Variants in SUSD4 observed in about 807,000 individuals in gnomAD.
The protein encoded by SUSD4 is sushi domain containing 4, also known as sushi domain-containing protein 4.
Under a neutral mutation model 50.5 loss-of-function variants are expected in SUSD4, and 41 were observed. The observed-to-expected ratio is 0.81, with a 90% CI of 0.63 to 1.05. The LOEUF (loss-of-function observed/expected upper bound fraction) is 1.05, where lower values mean the gene tolerates loss of function less well. Among genes scored for constraint, SUSD4 ranks in the 50% least tolerant of loss-of-function variants. The pLI, the probability that SUSD4 is intolerant of heterozygous loss-of-function variation, is 0.00. For missense variants in SUSD4, 580 were observed against 634.7 expected (o/e 0.91, Z 0.93); for synonymous variants, 257 against 257.3 (o/e 1.00, Z 0.01).
At chr1:223,340,789 G>A (rs1304117710) in intron 2 of SUSD4, among the ~76,000 whole-genome samples, 1 of 152,192 alleles carries the variant, frequency 6.6e-6, no homozygotes, top group Non-Finnish European at 1.5e-5. Flanking sequence ...CACTGATAGA[G>A]AGTATGTCAA....
At chr1:223,312,191 C>A (rs147823230) in intron 2 of SUSD4, among the ~76,000 whole-genome samples, 26 of 152,258 alleles carry the variant, frequency 1.7e-4, no homozygotes, top group African/African-American at 6.3e-4. Flanking sequence ...GATATTCATA[C>A]CTTGAGCAGC....
chr1:223,244,903 G>C (rs1001810842), intron 5 of SUSD4, among the ~76,000 whole-genome samples: 2 of 152,188 alleles, frequency 1.3e-5, no homozygotes, highest in African/African-American at 4.8e-5. Context: ...GTACAGAAGA[G>C]AGACTAACAG....
intron 5 of SUSD4, among the ~76,000 whole-genome samples, chr1:223,238,159 A>G (rs571477512): frequency 1.3e-5 from 2 of 152,040 alleles, no homozygotes; most frequent in Admixed American, 1.3e-4. Context: ...TTCCTTTATT[A>G]TCCTCCTAAT....
intron 5 of SUSD4, among the ~76,000 whole-genome samples, chr1:223,238,593 T>C (rs543115784): frequency 2.7e-4 from 41 of 152,174 alleles, no homozygotes; most frequent in African/African-American, 9.9e-4. Context: ...AGAGATTTCT[T>C]CTTTGACTCA....
intron 2 of SUSD4, among the ~76,000 whole-genome samples, chr1:223,301,012 G>A (rs1239646760): frequency 6.6e-6 from 1 of 152,178 alleles, no homozygotes; most frequent in African/African-American, 2.4e-5. Context: ...GCTAATCACA[G>A]GGCTGGGACT....
At chr1:223,281,782 C>CTTTT (rs1663754205) in intron 3 of SUSD4, among the ~76,000 whole-genome samples, 2 of 151,932 alleles carry the variant, frequency 1.3e-5, no homozygotes, top group African/African-American at 4.8e-5. Flanking sequence ...AGAGACACAA[C>CTTTT]AAAAAAAGAG....
intron 5 of SUSD4, chr1:223,263,491 C>T: frequency 1.1e-6 from 1 of 950,016 alleles, no homozygotes; most frequent in Non-Finnish European, 1.3e-6. Context: ...CATCTCTAGG[C>T]TAGGCTCCAA....
At chr1:223,273,761 G>A (rs773773493) in intron 3 of SUSD4, among the ~76,000 whole-genome samples, 1 of 152,180 alleles carries the variant, frequency 6.6e-6, no homozygotes, top group Non-Finnish European at 1.5e-5. Context: ...AACACTTCGT[G>A]TATATTGTCA....
chr1:223,313,682 G>A (rs1380998068), intron 2 of SUSD4, among the ~76,000 whole-genome samples: 1 of 152,096 alleles, frequency 6.6e-6, no homozygotes, highest in African/African-American at 2.4e-5. Context: ...GTCAGCACAA[G>A]GTAAGGTCAC....
At chr1:223,272,120 G>C (rs967959501) in intron 3 of SUSD4, among the ~76,000 whole-genome samples, 2 of 152,312 alleles carry the variant, frequency 1.3e-5, no homozygotes, top group East Asian at 3.9e-4. Flanking sequence ...CCAGCTACTC[G>C]GGAGGCTGAG....
At chr1:223,273,257 C>A (rs1663037716) in intron 3 of SUSD4, among the ~76,000 whole-genome samples, 1 of 152,098 alleles carries the variant, frequency 6.6e-6, no homozygotes, top group African/African-American at 2.4e-5. Context: ...TCATGCAGGG[C>A]TTTGTAGATT....
intron 6 of SUSD4, among the ~76,000 whole-genome samples, chr1:223,228,618 T>C (rs1056176020): frequency 2.0e-5 from 3 of 152,162 alleles, no homozygotes; most frequent in Non-Finnish European, 4.4e-5. Context: ...CTTTTAACTA[T>C]GAAGCCCTGA....
At chr1:223,258,141 G>A (rs184856223) in intron 5 of SUSD4, among the ~76,000 whole-genome samples, 1 of 152,314 alleles carries the variant, frequency 6.6e-6, no homozygotes, top group Non-Finnish European at 1.5e-5. Context: ...GCACTTCTGA[G>A]TGAAGGCAGG....
intron 5 of SUSD4, among the ~76,000 whole-genome samples, chr1:223,236,196 G>A (rs538672809): frequency 6.6e-6 from 1 of 152,312 alleles, no homozygotes; most frequent in African/African-American, 2.4e-5. Flanking sequence ...AAATCAGGTT[G>A]TTTGTGTTCT....
chr1:223,363,552 G>T, intron 1 of SUSD4, 92 bp from the exon 2 acceptor site: 1 of 1,329,466 alleles, frequency 7.5e-7, no homozygotes. Flanking sequence ...CGGCGCCTCG[G>T]CTTCCCAGGC....
chr1:223,357,748 AC>A (rs1255094985), intron 2 of SUSD4, among the ~76,000 whole-genome samples: 1 of 152,236 alleles, frequency 6.6e-6, no homozygotes, highest in Non-Finnish European at 1.5e-5. Flanking sequence ...TCCATGGTTA[AC>A]AATAGTTGAA....
At chr1:223,297,465 C>T (rs541433625) in intron 2 of SUSD4, among the ~76,000 whole-genome samples, 1 of 152,250 alleles carries the variant, frequency 6.6e-6, no homozygotes, top group South Asian at 2.1e-4. Context: ...GTTAAGTTGT[C>T]CCCACCTGAA....
At chr1:223,293,010 A>G (rs1664597234) in intron 2 of SUSD4, among the ~76,000 whole-genome samples, 1 of 152,204 alleles carries the variant, frequency 6.6e-6, no homozygotes, top group Non-Finnish European at 1.5e-5. Context: ...AGGAGATGGC[A>G]TCTGAGCCTG....
At position 223,227,516 on chromosome 1, in the gene SUSD4, T is replaced by C. The variant is rs1055342486; in HGVS notation, c.1061+78A>G. On this transcript the variant is annotated intron_variant, in intron 7 of 8. Transcript: ENST00000366878. This position sits in a 1 kb window ranked among gnomAD's most constrained non-coding sequence, Gnocchi z 4.5. ...CTTTAGAGCTTCAACTTTTCACTCA[T>C]CACTTTCTCCCTCTGCTGCTAAGGG... 6.5e-6 allele frequency: 10 copies of C among 1,544,722 alleles called. No individual in the cohort carries two copies. Among genetic ancestry groups the C allele is most frequent in the Admixed American group, 1.8e-5 (1 of 54,304 alleles).
Sources: gnomAD v4.1 joint callset for allele counts (sites outside exome capture counted in the v4.1 genomes callset) on GRCh38, gnomAD v4.1.1 for gene constraint, Gnocchi (gnomAD v3.1) non-coding constraint, MANE v1.5 for transcripts, NCBI Gene and HGNC (gene_info 2026-07-23, HGNC 2026-07-21) for gene names.